The following MTHFSD variants were observed in gnomAD, a reference collection of about 807,000 sequenced individuals.
MTHFSD encodes methenyltetrahydrofolate synthase domain-containing protein.
MTHFSD carries 37 observed loss-of-function variants against 31.1 expected under a neutral mutation model. The observed-to-expected ratio is 1.19, with a 90% CI of 0.91 to 1.56. The LOEUF is 1.56. MTHFSD is among the 40% of genes most tolerant of loss of function. The pLI is 0.00. For synonymous variants in MTHFSD, 221 were observed against 206.9 expected (o/e 1.07, Z -0.59); for missense variants, 664 against 510.1 (o/e 1.30, Z -2.91).
At position 86,532,276 on chromosome 16, in the gene MTHFSD, G is replaced by A. The variant is rs3751802; in HGVS notation, c.887C>T (p.Ser296Phe). 6.4e-7 allele frequency: 1 copy of A among 1,562,862 alleles called. No individual in the cohort carries two copies. The highest frequency in any genetic ancestry group is 8.6e-7 in the Non-Finnish European group (1 of 1,157,908). Residue 296 changes from serine to phenylalanine, a missense_variant, in exon 8 of 8, where the codon TCC becomes TTC. By Grantham distance (155) the Ser-to-Phe change is radical. Coordinates refer to ENST00000360900, the MANE Select transcript of MTHFSD (RefSeq NM_001159377.2). ...ETNSMEAAPG[S>F]PPGEGAPLAA... ...AAGCGGGGCACCCTCCCCTGGTGGG[G>A]AGCCAGGGGCTGCCTCCATGGAATT...
intron 7 of MTHFSD, among the ~76,000 whole-genome samples, chr16:86,534,347 C>T (rs1970385002): frequency 6.6e-6 from 1 of 152,200 alleles, no homozygotes; most frequent in African/African-American, 2.4e-5. Flanking sequence ...AAGGAGCTCC[C>T]TGTGATGTGC....
At position 86,532,132 on chromosome 16, in the gene MTHFSD, C is replaced by A. The variant is rs867550068; in HGVS notation, c.1031G>T (p.Arg344Ile). ...AGAGTCCGGGTAATGGAGGAAGGCT[C>A]TGCGCCGCGGGCCCTGCCAGGTGAG... Reference protein sequence around the residue: ...LRLTWQGPRRRAFLHYPDSAA... With the variant: ...LRLTWQGPRRIAFLHYPDSAA... The change falls in exon 8 of 8, where the codon AGA becomes ATA. Residue 344 changes from arginine (R) to isoleucine (I), a missense_variant. Arg to Ile is a moderately conservative substitution (Grantham distance 97). Coordinates refer to ENST00000360900, the MANE Select transcript of MTHFSD (RefSeq NM_001159377.2). 1.9e-6 allele frequency: 3 copies of A among 1,556,850 alleles called. No individual in the cohort carries two copies. Among genetic ancestry groups the A allele is most frequent in the African/African-American group, 1.4e-5 (1 of 73,386 alleles).
At chr16:86,554,445 C>T (rs1036485480) in intron 2 of MTHFSD, among the ~76,000 whole-genome samples, 200 bp downstream of exon 2, 4 of 152,178 alleles carry the variant, frequency 2.6e-5, no homozygotes, top group Admixed American at 6.5e-5. Context: ...TGCACAGAGA[C>T]GCAAGAGGCC....
At chr16:86,545,963 G>A (rs1461855603) in intron 5 of MTHFSD, among the ~76,000 whole-genome samples, 1 of 152,238 alleles carries the variant, frequency 6.6e-6, no homozygotes, top group African/African-American at 2.4e-5. Context: ...CCCTGAAGCT[G>A]GAGACAGCAA....
At position 86,534,238 on chromosome 16, in the gene MTHFSD, C is replaced by A. The variant is rs149063218; in HGVS notation, c.682-1757G>T. On this transcript the variant is annotated intron_variant, in intron 7 of 7. Transcript: ENST00000360900. ...CTGGGCCCTCGGCCATCCTTCTCAA[C>A]TGATTCACTGTGAGGAGACTAAACT... Among the ~76,000 whole-genome samples, 1,175 of 152,364 alleles carry A rather than the reference C, an allele frequency of 7.7e-3. 15 individuals are homozygous for A. Among genetic ancestry groups the A allele is most frequent in the African/African-American group, 0.026 (1,072 of 41,578 alleles).
rs1971546796 is a variant in MTHFSD at position 86,541,723 on chromosome 16, T to C, written c.655A>G (p.Lys219Glu). ...RVIATGCKRP[K>E]PMGITWFKIS... ...TTGAACCAGGTGATTCCCATTGGCT[T>C]TGGGCGCTTGCAGCCTGTGGCGATG... Residue 219 changes from lysine to glutamate, a missense_variant, in exon 7 of 8, where the codon AAG becomes GAG. By Grantham distance (56) the Lys-to-Glu change is moderately conservative. Transcript: ENST00000360900. 4 of 1,613,856 alleles carry C rather than the reference T, an allele frequency of 2.5e-6. No individual in the cohort carries two copies. Among genetic ancestry groups the C allele is most frequent in the African/African-American group, 2.7e-5 (2 of 75,058 alleles).
Position 86,535,056 on chromosome 16 carries a change from G to A in MTHFSD, c.682-2575C>T, listed in dbSNP as rs1475682441. Among the ~76,000 whole-genome samples the A allele has an allele frequency of 3.3e-5, 5 of 152,226 alleles. No homozygotes were observed. The East Asian group carries it at 9.6e-4, about 29-fold the overall frequency. On this transcript the variant is annotated intron_variant, in intron 7 of 7. Coordinates refer to ENST00000360900, the MANE Select transcript of MTHFSD (RefSeq NM_001159377.2). ...AAATCTGTTTTGAAACATGCCGTGG[G>A]AAAGACAAATATATCCTTCCGTGCA...
rs971167697 is a variant in MTHFSD at position 86,542,566 on chromosome 16, A to G, written c.443-353T>C. 1 of 197,018 alleles carries G rather than the reference A, an allele frequency of 5.1e-6. No individual in the cohort carries two copies. Among genetic ancestry groups the G allele is most frequent in the African/African-American group, 2.3e-5 (1 of 42,750 alleles). 12.2% of individuals were successfully genotyped at this position (197,018 alleles called of 1,614,324 possible). ...GAAAAGAGCAGTTCTCAAAAAGACT[A>G]AAAACAAATTCCCACTGAAAGCAAA... is the stretch of plus-strand genomic sequence containing the variant. On this transcript the variant is annotated intron_variant, in intron 5 of 7. Transcript: ENST00000360900. The surrounding 1 kb of genome is among the most constrained non-coding windows in gnomAD (Gnocchi z 4.6).
intron 7 of MTHFSD, 121 bp from the exon 8 acceptor site, chr16:86,532,602 T>C: frequency 1.3e-6 from 1 of 748,920 alleles, no homozygotes; most frequent in Non-Finnish European, 1.9e-6. Flanking sequence ...CCAAGTGGTC[T>C]GAGCCCCAGG....
Position 86,531,845 on chromosome 16 carries a change from C to G in MTHFSD, c.*166G>C, listed in dbSNP as rs1027083772. ...GCGGCTTCCCCACTCACAGGAGGGC[C>G]TGGGCGTTCACTGAGCGGTGACTTC... On this transcript the variant is annotated 3_prime_UTR_variant, in exon 8 of 8. Transcript: ENST00000360900. This position sits in a 1 kb window ranked among gnomAD's most constrained non-coding sequence, Gnocchi z 5.5. 4.4e-6 allele frequency: 2 copies of G among 457,170 alleles called. No homozygotes were observed. Among genetic ancestry groups the G allele is most frequent in the Non-Finnish European group, 7.6e-6 (2 of 263,812 alleles). 28.3% of individuals were successfully genotyped at this position (457,170 alleles called of 1,614,324 possible). A position where few individuals can be genotyped will look rare whatever the true frequency, so the allele number is the denominator to read the frequency against.
chr16:86,541,811 G>A lies in MTHFSD; in HGVS notation c.567C>T (p.Ile189=). The change falls in exon 7 of 8, where the codon ATC becomes ATT. Residue 189 remains isoleucine, a synonymous_variant. Coordinates refer to ENST00000360900, the MANE Select transcript of MTHFSD (RefSeq NM_001159377.2). ...TIVHDCQVVD[I]PEELVEEHDI... Reference sequence around the variant, plus strand: ...CGTGCTCCTCAACAAGCTCTTCAGGGATGTCCACGACCTGGGGGAAGAGAG... The same window carrying A: ...CGTGCTCCTCAACAAGCTCTTCAGGAATGTCCACGACCTGGGGGAAGAGAG... 1 of 1,614,164 alleles carries A rather than the reference G, an allele frequency of 6.2e-7. No individual in the cohort carries two copies. The highest frequency in any genetic ancestry group is 1.1e-5 in the South Asian group (1 of 91,064).
At chr16:86,548,314 G>T in intron 4 of MTHFSD, 150 bp downstream of exon 4, 1 of 834,132 alleles carries the variant, frequency 1.2e-6, no homozygotes, top group Non-Finnish European at 1.9e-6. Flanking sequence ...CTCCATTAAG[G>T]ACAGAATTCT....
At position 86,541,880 on chromosome 16, in the gene MTHFSD, A is replaced by G. The variant is rs1264024299; in HGVS notation, c.556-58T>C. On this transcript the variant is annotated intron_variant, in intron 6 of 7. Transcript: ENST00000360900. ...TGGGAATGCCACTGCAGTCGTGCAC[A>G]CTGCCCCGCTCGGTGGGAACGTGAG... 1.1e-5 allele frequency: 17 copies of G among 1,603,566 alleles called. No individual in the cohort carries two copies. In the South Asian group the frequency reaches 1.7e-4, roughly 16 times the overall value.
intron 2 of MTHFSD, 107 bp downstream of exon 2, chr16:86,554,538 C>T (rs1195708152): frequency 4.4e-6 from 4 of 902,206 alleles, no homozygotes; most frequent in South Asian, 1.5e-5. Context: ...GCTCACTGCT[C>T]GCCACATTCT....
In MTHFSD at chr16:86,535,171, C is replaced by T. The variant is rs561055671; in HGVS notation, c.682-2690G>A. On this transcript the variant is annotated intron_variant, in intron 7 of 7. Transcript: ENST00000360900. ...ATCTTAACCACACATTATGAGCTAA[C>T]TGGCGGCCAGGGCACTGGCACACTG... 229 of 905,730 alleles carry T rather than the reference C, an allele frequency of 2.5e-4. No individual in the cohort carries two copies. In the African/African-American group the frequency reaches 3.8e-3, roughly 15 times the overall value. 56.1% of individuals were successfully genotyped at this position (905,730 alleles called of 1,614,324 possible). A position where few individuals can be genotyped will look rare whatever the true frequency, so the allele number is the denominator to read the frequency against.
At chr16:86,546,707 A>C in intron 4 of MTHFSD, 58 bp from the exon 5 acceptor site, 1 of 1,444,088 alleles carries the variant, frequency 6.9e-7, no homozygotes, top group Non-Finnish European at 9.7e-7. Context: ...TCATTTTATA[A>C]TTCATGATCA....
chr16:86,531,758 AAGGC>A lies in MTHFSD; in HGVS notation c.*249_*252del, dbSNP rs1970011343. The A allele has an allele frequency of 8.6e-6, 3 of 347,380 alleles. No homozygotes were observed. The highest frequency in any genetic ancestry group is 1.6e-5 in the Non-Finnish European group (3 of 193,506). 21.5% of individuals were successfully genotyped at this position (347,380 alleles called of 1,614,324 possible). A position where few individuals can be genotyped will look rare whatever the true frequency, so the allele number is the denominator to read the frequency against. On this transcript the variant is annotated 3_prime_UTR_variant, in exon 8 of 8. Transcript: ENST00000360900. This position sits in a 1 kb window ranked among gnomAD's most constrained non-coding sequence, Gnocchi z 5.5. ...CCTCCAGAGAAACAGAAACCGACTCAAGGCCCGAGCCTGCACGATTGGGAGGCTG... is the reference window on the plus strand; with the variant it reads ...CCTCCAGAGAAACAGAAACCGACTCACCGAGCCTGCACGATTGGGAGGCTG...
chr16:86,536,956 G>A (rs1193664336), intron 7 of MTHFSD, among the ~76,000 whole-genome samples: 1 of 152,180 alleles, frequency 6.6e-6, no homozygotes, highest in African/African-American at 2.4e-5. Context: ...ACACGTCTGT[G>A]CGTGAGTTTT....
At chr16:86,538,311 G>C (rs918445985) in intron 7 of MTHFSD, among the ~76,000 whole-genome samples, 3 of 152,324 alleles carry the variant, frequency 2.0e-5, no homozygotes, top group South Asian at 2.1e-4. Context: ...GGGCAGAACA[G>C]AGCTTCCAGG....
Sources: allele counts gnomAD v4.1 joint callset (sites outside exome capture counted in the v4.1 genomes callset), GRCh38; gene constraint gnomAD v4.1.1; non-coding constraint Gnocchi (gnomAD v3.1); transcripts MANE v1.5; gene names NCBI Gene and HGNC (gene_info 2026-07-23, HGNC 2026-07-21).